The following GRSF1 variants were observed in gnomAD, a reference collection of about 807,000 sequenced individuals.
GRSF1 encodes the protein G-rich sequence factor 1.
In GRSF1, 50 loss-of-function variants were observed where a neutral mutation model predicts 51.1. The observed-to-expected ratio is 0.98, with a 90% CI of 0.78 to 1.24. GRSF1 has a LOEUF of 1.24. Among genes scored for constraint, GRSF1 ranks in the 50% most tolerant of loss-of-function variants. The pLI is 0.00. For missense variants in GRSF1, 700 were observed against 639.7 expected, an observed-to-expected ratio of 1.09 and a Z score of -1.02; for synonymous variants, 293 against 253.3, an observed-to-expected ratio of 1.16 and a Z score of -1.49.
In GRSF1 at chr4:70,839,489, CG is replaced by C; in HGVS notation, c.338del (p.Pro113ArgfsTer30). On this transcript the variant is annotated frameshift_variant, in exon 1 of 10. Coordinates refer to ENST00000254799, the MANE Select transcript of GRSF1 (RefSeq NM_002092.4). LOFTEE classifies it high-confidence loss of function. ...CACGTACCTGGCTGTAGCTGCGCGT[CG>C]GGACGGCGGCCGCCGCCGCCAGCGA... ...PQSLAAAAAV[P>X]TRSYSQESKT... The C allele has an allele frequency of 7.1e-7, 1 of 1,418,012 alleles. No homozygotes were observed. Among genetic ancestry groups the C allele is most frequent in the Non-Finnish European group, 9.2e-7 (1 of 1,092,640 alleles). The allele number at this position is 1,418,012 out of a possible 1,614,324, so 87.8% of individuals were successfully genotyped here.
chr4:70,825,261 CA>C (rs1560594829), intron 8 of GRSF1, 34 bp downstream of exon 8: 2 of 1,540,350 alleles, frequency 1.3e-6, no homozygotes, highest in Non-Finnish European at 1.8e-6. Flanking sequence ...AGACAAGCAT[CA>C]AAAATGACAA....
At chr4:70,826,928 TA>T (rs1442944891) in intron 6 of GRSF1, among the ~76,000 whole-genome samples, 1 of 152,162 alleles carries the variant, frequency 6.6e-6, no homozygotes, top group Non-Finnish European at 1.5e-5. Context: ...TTATGAAACT[TA>T]AAAGATTCCA....
chr4:70,838,804 C>T lies in GRSF1; in HGVS notation c.357+667G>A, dbSNP rs529964660. On this transcript the variant is annotated intron_variant, in intron 1 of 9. Coordinates refer to ENST00000254799, the MANE Select transcript of GRSF1 (RefSeq NM_002092.4). The stretch of plus-strand genomic sequence containing the variant: ...CTCAACGCTCCCTCCCATTCACCCC[C>T]TCCCCCCAACAGCTAAATCTCCAAA... 9.8e-5 allele frequency: 19 copies of T among 194,332 alleles called. No homozygotes were observed. In the South Asian group the frequency reaches 1.5e-3, roughly 15 times the overall value. 12.0% of individuals were successfully genotyped at this position (194,332 alleles called of 1,614,324 possible).
At chr4:70,838,205 C>G in intron 1 of GRSF1, among the ~76,000 whole-genome samples, 2 of 104,860 alleles carry the variant, frequency 1.9e-5, no homozygotes, top group African/African-American at 4.0e-5. Context: ...GGCGACAGAG[C>G]GAGACTCGGT....
chr4:70,839,911 G>C (rs1355753397), upstream of GRSF1: 1 of 1,304,328 alleles, frequency 7.7e-7, no homozygotes, highest in Non-Finnish European at 1.0e-6. Context: ...GCCGGTTGGG[G>C]GTGGGGTGTG....
chr4:70,834,521 T>G (rs1358610088), intron 2 of GRSF1, among the ~76,000 whole-genome samples: 2 of 152,200 alleles, frequency 1.3e-5, no homozygotes, highest in Non-Finnish European at 2.9e-5. Flanking sequence ...TCAACTTTTA[T>G]TTAGTACATG....
In GRSF1 at chr4:70,839,614, G is replaced by A. The variant is rs891731879; in HGVS notation, c.214C>T (p.Pro72Ser). ...GGAGGCCCCGCCAGCCTCCCGGGAG[G>A]CACAGGCCCGGTCTGGAGGCCACGC... The part of the protein sequence containing the change: ...QTRGLQTGPV[P>S]PGRLAGPPAV... The change falls in exon 1 of 10, where the codon CCT (proline) becomes TCT (serine). Residue 72 changes from proline (P) to serine (S), a missense_variant. Transcript: ENST00000254799. The A allele has an allele frequency of 5.0e-6, 7 of 1,410,208 alleles. No individual in the cohort carries two copies. The African/African-American group carries it at 7.6e-5, about 15-fold the overall frequency. 87.4% of individuals were successfully genotyped at this position (1,410,208 alleles called of 1,614,324 possible).
rs1733815149 is a variant in GRSF1, at chr4:70,828,321, TAA to T, written c.951-287_951-286del. On this transcript the variant is annotated intron_variant, in intron 5 of 9. Transcript: ENST00000254799. Reference sequence around the variant, plus strand: ...TTTGCTTCATGAGAACAACTATGCTTAAGTTAATTGTGTATACAGAAAAAATT... The same window carrying T: ...TTTGCTTCATGAGAACAACTATGCTTGTTAATTGTGTATACAGAAAAAATT... Among the ~76,000 whole-genome samples the T allele has an allele frequency of 2.0e-5, 3 of 152,324 alleles. No homozygotes were observed. In the South Asian group the frequency reaches 6.2e-4, roughly 32 times the overall value.
At position 70,832,377 on chromosome 4, in the gene GRSF1, A is replaced by C. The variant is rs369156640; in HGVS notation, c.744T>G (p.Asn248Lys). ...SLQVKSSPVVNDGVVRLRGLP... is the reference protein window; with the variant it reads ...SLQVKSSPVVKDGVVRLRGLP... ...GTCCTCTCAAACGAACCACACCATC[A>C]TTTACCACAGGCGAAGATTTGACCT... The change falls in exon 4 of 10, where the codon AAT (asparagine) becomes AAG (lysine). Residue 248 changes from asparagine (N) to lysine (K), a missense_variant. Physicochemically the swap from Asn to Lys is moderately conservative, Grantham distance 94. Coordinates refer to ENST00000254799, the MANE Select transcript of GRSF1 (RefSeq NM_002092.4). 1.2e-6 allele frequency: 2 copies of C among 1,611,658 alleles called. No homozygotes were observed. The highest frequency in any genetic ancestry group is 2.7e-5 in the African/African-American group (2 of 74,620).
intron 9 of GRSF1, among the ~76,000 whole-genome samples, chr4:70,821,222 T>C (rs1020532022): frequency 2.6e-5 from 4 of 151,578 alleles, no homozygotes; most frequent in Non-Finnish European, 5.9e-5. Context: ...AGGTCAGGAG[T>C]TCGAGACCAA....
At chr4:70,833,017 C>A (rs1734050108) in intron 3 of GRSF1, 101 bp downstream of exon 3, 1 of 1,028,482 alleles carries the variant, frequency 9.7e-7, no homozygotes, top group Non-Finnish European at 1.4e-6. Flanking sequence ...TGCATTCATA[C>A]AATCTAAATA....
intron 2 of GRSF1, among the ~76,000 whole-genome samples, chr4:70,835,721 G>A (rs1249048794): frequency 4.6e-5 from 7 of 152,088 alleles, no homozygotes; most frequent in South Asian, 2.1e-4. Context: ...GATTACAGGC[G>A]TGAGCCACTG....
intron 2 of GRSF1, among the ~76,000 whole-genome samples, chr4:70,833,696 T>G (rs950708631): frequency 2.0e-5 from 3 of 152,206 alleles, no homozygotes; most frequent in Non-Finnish European, 2.9e-5. Context: ...AACTTTTTGT[T>G]TTTGTAGAGA....
Position 70,818,995 on chromosome 4 carries a change from A to T in GRSF1, c.*1892T>A, listed in dbSNP as rs534591090. 1 of 152,296 alleles carries T rather than the reference A, an allele frequency of 6.6e-6. No homozygotes were observed. Among genetic ancestry groups the T allele is most frequent in the East Asian group, 1.9e-4 (1 of 5,190 alleles). 9.4% of individuals were successfully genotyped at this position (152,296 alleles called of 1,614,324 possible). On this transcript the variant is annotated 3_prime_UTR_variant, in exon 10 of 10. Coordinates refer to ENST00000254799, the MANE Select transcript of GRSF1 (RefSeq NM_002092.4). ...AGCAATCACTTACGTACTAGCCTAG[A>T]TCATGAACAAAAACAAAAGGGAGCA...
intron 7 of GRSF1, chr4:70,825,646 C>T: frequency 2.6e-6 from 1 of 379,698 alleles, no homozygotes. Context: ...CAAATATCTG[C>T]TCTCAGCGAG....
chr4:70,833,438 G>A (rs1400011822), intron 2 of GRSF1, among the ~76,000 whole-genome samples, 165 bp from the exon 3 acceptor site: 1 of 152,162 alleles, frequency 6.6e-6, no homozygotes, highest in Admixed American at 6.6e-5. Flanking sequence ...TAAGGATTTA[G>A]TCTCTAAAAC....
At chr4:70,837,964 G>T (rs957225756) in intron 1 of GRSF1, among the ~76,000 whole-genome samples, 1 of 151,822 alleles carries the variant, frequency 6.6e-6, no homozygotes, top group Non-Finnish European at 1.5e-5. Context: ...GGGCGCGGTG[G>T]CTCACGCCTG....
At chr4:70,824,900 C>T (rs1247207917) in intron 8 of GRSF1, among the ~76,000 whole-genome samples, 3 of 151,890 alleles carry the variant, frequency 2.0e-5, no homozygotes, top group Non-Finnish European at 4.4e-5. Flanking sequence ...CCCAGGAGTT[C>T]GAGACCAGCC....
intron 5 of GRSF1, among the ~76,000 whole-genome samples, chr4:70,828,400 AAATTC>A (rs1329488059): frequency 1.3e-5 from 2 of 152,222 alleles, no homozygotes; most frequent in Non-Finnish European, 2.9e-5. Flanking sequence ...TGAAGCTCTG[AAATTC>A]AATTCTGTGC....
Sources: gnomAD v4.1 joint callset for allele counts (sites outside exome capture counted in the v4.1 genomes callset) on GRCh38, gnomAD v4.1.1 for gene constraint, MANE v1.5 for transcripts, NCBI Gene and HGNC (gene_info 2026-07-23, HGNC 2026-07-21) for gene names.